Variants in ABCE1 observed in about 807,000 individuals in gnomAD.
ABCE1 encodes ATP binding cassette subfamily E member 1.
ABCE1 carries 22 observed loss-of-function variants against 83.4 expected under a neutral mutation model. The ratio of observed to expected loss-of-function variants is 0.26; its 90% CI spans 0.19 to 0.38. The LOEUF (loss-of-function observed/expected upper bound fraction) is 0.38. Among genes scored for constraint, ABCE1 ranks in the 10% least tolerant of loss-of-function variants. ABCE1 has a pLI of 1.00. For synonymous variants in ABCE1, 204 were observed against 233.7 expected (o/e 0.87, Z 1.16); for missense variants, 330 against 721.9 (o/e 0.46, Z 6.22).
chr4:145,107,151 G>A (rs910190104), intron 3 of ABCE1, among the ~76,000 whole-genome samples: 2 of 152,036 alleles, frequency 1.3e-5, no homozygotes, highest in Admixed American at 1.3e-4. Flanking sequence ...ATTTGAATAA[G>A]CCTATGTGTT....
chr4:145,101,119 G>GA (rs1488590874), intron 1 of ABCE1, among the ~76,000 whole-genome samples: 5 of 152,138 alleles, frequency 3.3e-5, no homozygotes, highest in African/African-American at 1.2e-4. Flanking sequence ...GAGCTAGGGA[G>GA]AAAAATAAAG....
Position 145,125,236 on chromosome 4 carries a change from G to A in ABCE1, c.1752+135G>A. The A allele has an allele frequency of 5.1e-6, 3 of 583,784 alleles. No homozygotes were observed. The South Asian group carries it at 7.6e-5, about 15-fold the overall frequency. The allele number at this position is 583,784 out of a possible 1,614,324, so 36.2% of individuals were successfully genotyped here. A position where few individuals can be genotyped will look rare whatever the true frequency, so the allele number is the denominator to read the frequency against. ...GATTCAAGCACTTTTGGGAGGCCAAGGCAGGCAGATCACTTGAGGTCACGA... is the reference window on the plus strand; with the variant it reads ...GATTCAAGCACTTTTGGGAGGCCAAAGCAGGCAGATCACTTGAGGTCACGA... On this transcript the variant is annotated intron_variant, in intron 17 of 17. Coordinates refer to ENST00000296577, the MANE Select transcript of ABCE1 (RefSeq NM_002940.3).
At position 145,098,339 on chromosome 4, in the gene ABCE1, A is replaced by T. The variant is rs1371511407; in HGVS notation, c.-108A>T. ...GCCATTTTGGCCGGTGGCCGTGAGA[A>T]CACGCTGTGTGGCTGAAAAGTGAAG... is the stretch of plus-strand genomic sequence containing the variant. On this transcript the variant is annotated 5_prime_UTR_variant, in exon 1 of 18. Coordinates refer to ENST00000296577, the MANE Select transcript of ABCE1 (RefSeq NM_002940.3). 6.6e-6 allele frequency: 1 copy of T among 152,480 alleles called. No homozygotes were observed. The highest frequency in any genetic ancestry group is 6.5e-5 in the Admixed American group (1 of 15,294). The allele number at this position is 152,480 out of a possible 1,614,324, so 9.4% of individuals were successfully genotyped here.
rs139952429 is a variant in ABCE1, at chr4:145,116,483, C to T, written c.801-810C>T. ...GTCATTTTTGAGGGAATGATAATTT[C>T]GTTAATACAAATATGGAGAATTTTT... On this transcript the variant is annotated intron_variant, in intron 9 of 17. Transcript: ENST00000296577. Among the ~76,000 whole-genome samples, 507 of 151,874 alleles carry T rather than the reference C, an allele frequency of 3.3e-3. 9 individuals are homozygous for T. The highest frequency in any genetic ancestry group is 0.029 in the Admixed American group (437 of 15,246).
intron 17 of ABCE1, among the ~76,000 whole-genome samples, chr4:145,125,902 G>A (rs1350856042): frequency 2.0e-5 from 3 of 151,884 alleles, no homozygotes; most frequent in African/African-American, 4.8e-5. Flanking sequence ...TTAGCCAGGC[G>A]TGGTGGCATG....
chr4:145,127,451 C>A lies in ABCE1; in HGVS notation c.1753-75C>A, dbSNP rs1749918807. The A allele has an allele frequency of 2.2e-5, 29 of 1,298,452 alleles. No individual in the cohort carries two copies. The South Asian group carries it at 3.4e-4, about 15-fold the overall frequency. 80.4% of individuals were successfully genotyped at this position (1,298,452 alleles called of 1,614,324 possible). A position where few individuals can be genotyped will look rare whatever the true frequency, so the allele number is the denominator to read the frequency against. ...CTGTTTTAAGCACAGCTAAGTAATA[C>A]CATGAGTGAAAGTCTACTTTTACCT... On this transcript the variant is annotated intron_variant, in intron 17 of 17. Coordinates refer to ENST00000296577, the MANE Select transcript of ABCE1 (RefSeq NM_002940.3).
At chr4:145,123,861 G>C (rs996758923) in intron 16 of ABCE1, 1 of 239,848 alleles carries the variant, frequency 4.2e-6, no homozygotes, top group Non-Finnish European at 8.1e-6. Flanking sequence ...CCTTTTCTCA[G>C]CTTAACTTTT....
chr4:145,119,290 T>G (rs190471714), intron 10 of ABCE1, among the ~76,000 whole-genome samples: 2 of 152,088 alleles, frequency 1.3e-5, no homozygotes, highest in African/African-American at 4.8e-5. Flanking sequence ...CGCTTTTCAT[T>G]TCAGTGTGTC....
Position 145,100,446 on chromosome 4 carries a change from C to T in ABCE1, c.-28+2027C>T, listed in dbSNP as rs34455606. Among the ~76,000 whole-genome samples the T allele has an allele frequency of 4.3e-3, 652 of 152,316 alleles. 3 individuals are homozygous for T. The highest frequency in any genetic ancestry group is 0.014 in the African/African-American group (592 of 41,566). ...AACAGAAATAAAGTTTAAGCAATTT[C>T]GTGGTGATTTATCCCCTGGAGGGGA... On this transcript the variant is annotated intron_variant, in intron 1 of 17. Transcript: ENST00000296577.
intron 9 of ABCE1, among the ~76,000 whole-genome samples, chr4:145,115,529 T>A (rs1749587129): frequency 6.6e-6 from 1 of 151,974 alleles, no homozygotes; most frequent in Admixed American, 6.6e-5. Flanking sequence ...TTTTCCAATT[T>A]TCCATTGTTA....
Position 145,123,132 on chromosome 4 carries a change from G to A in ABCE1, c.1374+1G>A. 6.3e-7 allele frequency: 1 copy of A among 1,586,138 alleles called. No homozygotes were observed. Among genetic ancestry groups the A allele is most frequent in the Non-Finnish European group, 8.5e-7 (1 of 1,171,762 alleles). ...AATTGAAAACATCATTGATCAAGAG[G>A]TACTTTAACATAATTTTTTTTATTT... On this transcript the variant is annotated splice_donor_variant, in intron 14 of 17. Coordinates refer to ENST00000296577, the MANE Select transcript of ABCE1 (RefSeq NM_002940.3). LOFTEE classifies it high-confidence loss of function.
chr4:145,122,939 GCTTAA>G (rs1749783079), intron 13 of ABCE1, 77 bp from the exon 14 acceptor site: 2 of 962,304 alleles, frequency 2.1e-6, no homozygotes, highest in Non-Finnish European at 3.0e-6. Flanking sequence ...TTATTCTGAA[GCTTAA>G]CTTTGTCAAG....
Position 145,127,555 on chromosome 4 carries a change from CT to C in ABCE1, c.1787del (p.Phe596SerfsTer44). 1 of 1,575,042 alleles carries C rather than the reference CT, an allele frequency of 6.3e-7. No homozygotes were observed. The highest frequency in any genetic ancestry group is 1.2e-5 in the South Asian group (1 of 83,492). On this transcript the variant is annotated frameshift_variant, in exon 18 of 18. Transcript: ENST00000296577. LOFTEE classifies it high-confidence loss of function. ...TAGAACAAAAGAAGAGTGGAAACTA[CT>C]TTTTCTTGGATGATTAGACTGACTC... ...DVEQKKSGNYFFLDD is the reference protein window; with the variant it reads ...DVEQKKSGNYXFLDD
intron 9 of ABCE1, among the ~76,000 whole-genome samples, chr4:145,114,374 G>C (rs1749559035): frequency 6.6e-6 from 1 of 152,000 alleles, no homozygotes; most frequent in South Asian, 2.1e-4. Flanking sequence ...TTTATAAAAA[G>C]TATTTTTATA....
rs984075779 is a variant in ABCE1 at position 145,129,004 on chromosome 4, A to G, written c.*1431A>G. On this transcript the variant is annotated 3_prime_UTR_variant, in exon 18 of 18. Transcript: ENST00000296577. ...TGAATTTAATAATGTATATTCTTTCATGCTTTTTTCTGTGCACTTACCTAA... is the reference window on the plus strand; with the variant it reads ...TGAATTTAATAATGTATATTCTTTCGTGCTTTTTTCTGTGCACTTACCTAA... 6.6e-6 allele frequency: 1 copy of G among 152,168 alleles called. No individual in the cohort carries two copies. Among genetic ancestry groups the G allele is most frequent in the African/African-American group, 2.4e-5 (1 of 41,442 alleles). 9.4% of individuals were successfully genotyped at this position (152,168 alleles called of 1,614,324 possible).
chr4:145,112,706 A>G (rs1437955512), intron 9 of ABCE1, among the ~76,000 whole-genome samples: 1 of 152,160 alleles, frequency 6.6e-6, no homozygotes, highest in Non-Finnish European at 1.5e-5. Flanking sequence ...GTTTTTCAGA[A>G]TCTTGCTGGA....
chr4:145,123,427 C>T (rs1749795977), intron 15 of ABCE1, 51 bp from the exon 16 acceptor site: 3 of 1,586,494 alleles, frequency 1.9e-6, no homozygotes, highest in Non-Finnish European at 2.6e-6. Context: ...ATATAACAGT[C>T]GAATGTTTTA....
Position 145,120,073 on chromosome 4 carries a change from A to C in ABCE1, c.1064A>C (p.Lys355Thr). 6.2e-7 allele frequency: 1 copy of C among 1,612,252 alleles called. No homozygotes were observed. The highest frequency in any genetic ancestry group is 8.5e-7 in the Non-Finnish European group (1 of 1,179,316). ...ATGTATAAATATCCAGGAATGAAGAAAAAAATGGGAGAATTTGAGCTAGCA... is the reference window on the plus strand; with the variant it reads ...ATGTATAAATATCCAGGAATGAAGACAAAAATGGGAGAATTTGAGCTAGCA... Reference protein sequence around the residue: ...MCMYKYPGMKKKMGEFELAIV... With the variant: ...MCMYKYPGMKTKMGEFELAIV... Residue 355 changes from lysine (K) to threonine (T), a missense_variant, in exon 11 of 18, where the codon AAA becomes ACA. Lys to Thr is a moderately conservative substitution (Grantham distance 78). Transcript: ENST00000296577.
intron 7 of ABCE1, 81 bp from the exon 8 acceptor site, chr4:145,110,887 C>T: frequency 1.1e-6 from 1 of 887,574 alleles, no homozygotes; most frequent in Non-Finnish European, 1.7e-6. Context: ...AGCATTCAAA[C>T]TTCAAATGAT....
Sources: allele counts gnomAD v4.1 joint callset (sites outside exome capture counted in the v4.1 genomes callset), GRCh38; gene constraint gnomAD v4.1.1; transcripts MANE v1.5; gene names NCBI Gene and HGNC (gene_info 2026-07-23, HGNC 2026-07-21).